AGBL4: variants seen among roughly 807,000 people sequenced by gnomAD.
AGBL4 encodes cytosolic carboxypeptidase 6.
AGBL4 carries 58 observed loss-of-function variants against 66.4 expected under a neutral mutation model. The ratio of observed to expected loss-of-function variants is 0.87; its 90% CI spans 0.71 to 1.09. The LOEUF (loss-of-function observed/expected upper bound fraction) is 1.09, where lower values mean the gene tolerates loss of function less well. Ranked by LOEUF, AGBL4 falls within the 50% of genes least tolerant of loss-of-function variation. The pLI, the probability that AGBL4 is intolerant of heterozygous loss-of-function variation, is 0.00. For synonymous variants in AGBL4, 234 were observed against 222.9 expected (o/e 1.05, Z -0.44); for missense variants, 579 against 631.0 (o/e 0.92, Z 0.88).
chr1:49,177,785 C>A (rs958426730), intron 4 of AGBL4, among the ~76,000 whole-genome samples: 3 of 152,138 alleles, frequency 2.0e-5, no homozygotes, highest in South Asian at 2.1e-4. Flanking sequence ...GGGCATAGCA[C>A]CTGCTGCATA....
At chr1:49,298,726 T>C (rs375093070) in intron 3 of AGBL4, among the ~76,000 whole-genome samples, 1 of 149,720 alleles carries the variant, frequency 6.7e-6, no homozygotes, top group South Asian at 2.2e-4. Flanking sequence ...GAATACATCA[T>C]TGGAATTCTA....
At chr1:48,818,635 T>C (rs868330038) in intron 6 of AGBL4, among the ~76,000 whole-genome samples, 1 of 152,210 alleles carries the variant, frequency 6.6e-6, no homozygotes, top group Non-Finnish European at 1.5e-5. Context: ...CTTGATGGAA[T>C]ATTATCTAGT....
chr1:48,705,603 A>G (rs1646870359), intron 6 of AGBL4, among the ~76,000 whole-genome samples: 1 of 152,342 alleles, frequency 6.6e-6, no homozygotes, highest in African/African-American at 2.4e-5. Flanking sequence ...CAGCTAACTT[A>G]TAGTAGAAAT....
At chr1:48,687,140 G>A (rs908452735) in intron 6 of AGBL4, among the ~76,000 whole-genome samples, 7 of 152,148 alleles carry the variant, frequency 4.6e-5, no homozygotes, top group East Asian at 1.9e-4. Flanking sequence ...GACAAACAGC[G>A]GCAGATGAAG....
Position 48,653,392 on chromosome 1 carries a change from C to T in AGBL4, c.784G>A (p.Val262Ile). 3.1e-6 allele frequency: 5 copies of T among 1,589,386 alleles called. No homozygotes were observed. The highest frequency in any genetic ancestry group is 4.3e-6 in the Non-Finnish European group (5 of 1,167,262). The change falls in exon 8 of 14, where the codon GTC becomes ATC. Residue 262 changes from valine to isoleucine, a missense_variant. Val to Ile is a conservative substitution (Grantham distance 29). Transcript: ENST00000371839. The part of the protein sequence containing the change: ...PIACVLREYL[V>I]FKIAPMLNPD... The stretch of plus-strand genomic sequence containing the variant: ...TTGAGCATTGGTGCGATCTTGAAGA[C>T]CAGGTATTCCCGGAGGACACAGGCA...
At chr1:49,919,644 G>A (rs1173043357) in intron 1 of AGBL4, among the ~76,000 whole-genome samples, 3 of 152,026 alleles carry the variant, frequency 2.0e-5, no homozygotes, top group East Asian at 1.9e-4. Context: ...AATCAATATC[G>A]TGAAAATGGC....
At chr1:49,114,000 T>C (rs1013093028) in intron 4 of AGBL4, among the ~76,000 whole-genome samples, 7 of 152,234 alleles carry the variant, frequency 4.6e-5, no homozygotes, top group East Asian at 3.8e-4. Flanking sequence ...TCAGTGAGCA[T>C]TGGCTTCAAC....
chr1:48,553,190 A>G (rs1408298327), intron 11 of AGBL4, among the ~76,000 whole-genome samples: 2 of 152,066 alleles, frequency 1.3e-5, no homozygotes, highest in Non-Finnish European at 2.9e-5. Context: ...CGTGGCTCTG[A>G]AAATTGGCTC....
At chr1:49,153,495 A>G (rs1646376677) in intron 4 of AGBL4, among the ~76,000 whole-genome samples, 1 of 152,148 alleles carries the variant, frequency 6.6e-6, no homozygotes, top group Non-Finnish European at 1.5e-5. Context: ...AAAGGAAAAG[A>G]GAGAATTTCT....
At chr1:49,506,781 C>T (rs183947473) in intron 3 of AGBL4, among the ~76,000 whole-genome samples, 3 of 152,036 alleles carry the variant, frequency 2.0e-5, no homozygotes, top group East Asian at 3.9e-4. Context: ...GAATCAAAGT[C>T]AATGTTGCCT....
At chr1:49,045,869 T>A in intron 4 of AGBL4, 69 bp from the exon 5 acceptor site, 1 of 1,286,262 alleles carries the variant, frequency 7.8e-7, no homozygotes, top group Non-Finnish European at 1.1e-6. Context: ...GTAATACATA[T>A]AAATCAATGC....
At chr1:49,491,392 T>G (rs1363108118) in intron 3 of AGBL4, among the ~76,000 whole-genome samples, 1 of 151,616 alleles carries the variant, frequency 6.6e-6, no homozygotes, top group Non-Finnish European at 1.5e-5. Flanking sequence ...AAAATAAGAG[T>G]TTGTTTTAAA....
chr1:48,737,008 G>A (rs1266570742), intron 6 of AGBL4, among the ~76,000 whole-genome samples: 2 of 152,196 alleles, frequency 1.3e-5, no homozygotes, highest in Admixed American at 6.5e-5. Context: ...TGACAGCCAG[G>A]CATGGTGGCT....
At chr1:49,927,693 A>G (rs1274589808) in intron 1 of AGBL4, among the ~76,000 whole-genome samples, 1 of 152,134 alleles carries the variant, frequency 6.6e-6, no homozygotes, top group African/African-American at 2.4e-5. Context: ...AAAAAAAAGA[A>G]TGGGAAAGAA....
Position 48,712,989 on chromosome 1 carries a change from G to A in AGBL4, c.635-49748C>T, listed in dbSNP as rs143756860. The stretch of plus-strand genomic sequence containing the variant: ...TAAGAACTGCTTGTCACTCCCAGGG[G>A]TGCAGCATCCTGTTACTTTGGAGAG... On this transcript the variant is annotated intron_variant, in intron 6 of 13. Transcript: ENST00000371839. Among the ~76,000 whole-genome samples the A allele has an allele frequency of 3.9e-5, 6 of 152,294 alleles. No individual in the cohort carries two copies. The East Asian group carries it at 1.2e-3, about 29-fold the overall frequency.
At chr1:48,927,120 A>C (rs973630979) in intron 5 of AGBL4, among the ~76,000 whole-genome samples, 3 of 152,180 alleles carry the variant, frequency 2.0e-5, no homozygotes, top group Non-Finnish European at 4.4e-5. Context: ...AATGGCTTAC[A>C]GACAGCAGCC....
At chr1:48,958,031 A>AT (rs966586484) in intron 5 of AGBL4, among the ~76,000 whole-genome samples, 5 of 147,370 alleles carry the variant, frequency 3.4e-5, no homozygotes, top group East Asian at 2.0e-4. Context: ...TGTTTTTTGT[A>AT]TTTTTTTTAG....
intron 3 of AGBL4, among the ~76,000 whole-genome samples, chr1:49,422,898 C>T (rs1435445636): frequency 6.6e-6 from 1 of 152,154 alleles, no homozygotes; most frequent in Non-Finnish European, 1.5e-5. Flanking sequence ...ACCGTGTGCT[C>T]TCTAAACTCA....
intron 6 of AGBL4, among the ~76,000 whole-genome samples, chr1:48,742,153 T>A (rs184078867): frequency 2.2e-3 from 328 of 152,324 alleles, no homozygotes; most frequent in African/African-American, 7.4e-3. Context: ...CTTCCCTGTA[T>A]TCCTGTTATC....
Sources: gnomAD v4.1 joint callset for allele counts (sites outside exome capture counted in the v4.1 genomes callset) on GRCh38, gnomAD v4.1.1 for gene constraint, MANE v1.5 for transcripts, NCBI Gene and HGNC (gene_info 2026-07-23, HGNC 2026-07-21) for gene names.